DCC: variants seen among roughly 807,000 people sequenced by gnomAD.
DCC encodes the protein netrin receptor DCC.
In DCC, 58 loss-of-function variants were observed where a neutral mutation model predicts 172.5. The ratio of observed to expected loss-of-function variants is 0.34; its 90% CI spans 0.27 to 0.42. The LOEUF (loss-of-function observed/expected upper bound fraction) is 0.42, where lower values mean the gene tolerates loss of function less well. DCC is among the 10% of genes least tolerant of loss of function. DCC has a pLI of 1.00. For synonymous variants in DCC, 709 were observed against 644.5 expected (o/e 1.10, Z -1.52); for missense variants, 1,740 against 1,791.0 (o/e 0.97, Z 0.51).
intron 5 of DCC, among the ~76,000 whole-genome samples, chr18:53,012,385 A>C (rs781601850): frequency 3.9e-5 from 6 of 152,026 alleles, no homozygotes; most frequent in Non-Finnish European, 8.8e-5. Context: ...AATATGAATA[A>C]ATCTTAAAAA....
At chr18:53,309,973 T>C (rs886532169) in intron 13 of DCC, among the ~76,000 whole-genome samples, 4 of 147,938 alleles carry the variant, frequency 2.7e-5, no homozygotes, top group African/African-American at 9.9e-5. Flanking sequence ...TGTATATATA[T>C]ATATATATAC....
At chr18:52,739,830 C>T (rs895959622) in intron 1 of DCC, among the ~76,000 whole-genome samples, 1 of 152,132 alleles carries the variant, frequency 6.6e-6, no homozygotes, top group Non-Finnish European at 1.5e-5. Flanking sequence ...TTTTCATATA[C>T]ATTATAAAAA....
intron 5 of DCC, among the ~76,000 whole-genome samples, chr18:53,030,910 C>G (rs534430580): frequency 2.9e-4 from 44 of 152,232 alleles, no homozygotes; most frequent in African/African-American, 9.6e-4. Context: ...GCAGTGTTGT[C>G]CACATCCACA....
intron 7 of DCC, among the ~76,000 whole-genome samples, chr18:53,097,732 C>T (rs978168032): frequency 6.6e-6 from 1 of 152,098 alleles, no homozygotes; most frequent in African/African-American, 2.4e-5. Flanking sequence ...AATTCATTTA[C>T]TGGTAAGGGC....
intron 6 of DCC, among the ~76,000 whole-genome samples, chr18:53,065,025 A>G (rs2144086133): frequency 6.6e-6 from 1 of 152,284 alleles, no homozygotes; most frequent in Non-Finnish European, 1.5e-5. Flanking sequence ...AATGTAAGGT[A>G]TTGCCCGATT....
intron 2 of DCC, among the ~76,000 whole-genome samples, chr18:52,763,464 G>A (rs1022611733): frequency 2.6e-5 from 4 of 152,178 alleles, no homozygotes; most frequent in Admixed American, 6.5e-5. Flanking sequence ...CACTCCATGA[G>A]CCAACCTTGT....
chr18:52,594,070 G>A (rs530448053), intron 1 of DCC, among the ~76,000 whole-genome samples: 27 of 152,288 alleles, frequency 1.8e-4, no homozygotes, highest in African/African-American at 6.0e-4. Flanking sequence ...ACCCAAAGGG[G>A]CATTCTTTCT....
intron 1 of DCC, among the ~76,000 whole-genome samples, chr18:52,564,494 G>A (rs2033108883): frequency 6.6e-6 from 1 of 151,926 alleles, no homozygotes; most frequent in South Asian, 2.1e-4. Flanking sequence ...TGTCCTCTAG[G>A]TTTTGAAAGA....
At chr18:53,059,034 C>G (rs1295642032) in intron 5 of DCC, among the ~76,000 whole-genome samples, 1 of 152,050 alleles carries the variant, frequency 6.6e-6, no homozygotes, top group Non-Finnish European at 1.5e-5. Context: ...AGGAAACTTA[C>G]AGTCTTGGTG....
At chr18:53,242,471 T>C (rs997632451) in intron 12 of DCC, among the ~76,000 whole-genome samples, 1 of 152,066 alleles carries the variant, frequency 6.6e-6, no homozygotes, top group South Asian at 2.1e-4. Context: ...GAAGAGGGGG[T>C]AAATATACAA....
At chr18:52,879,071 A>G (rs1365575334) in intron 2 of DCC, among the ~76,000 whole-genome samples, 1 of 152,192 alleles carries the variant, frequency 6.6e-6, no homozygotes, top group Non-Finnish European at 1.5e-5. Context: ...CTGCTCTAAT[A>G]CCAGGTGCAG....
At chr18:53,043,507 A>G (rs781752604) in intron 5 of DCC, among the ~76,000 whole-genome samples, 1 of 151,930 alleles carries the variant, frequency 6.6e-6, no homozygotes, top group Admixed American at 6.6e-5. Flanking sequence ...AAATCCTTGG[A>G]GATTACTTCT....
intron 2 of DCC, among the ~76,000 whole-genome samples, chr18:52,783,638 C>A (rs574119277): frequency 6.6e-6 from 1 of 151,834 alleles, no homozygotes; most frequent in African/African-American, 2.4e-5. Flanking sequence ...CATGTCTAAT[C>A]CCTCTAAATA....
intron 1 of DCC, among the ~76,000 whole-genome samples, chr18:52,544,510 A>T (rs1015420158): frequency 1.3e-5 from 2 of 148,750 alleles, no homozygotes; most frequent in Non-Finnish European, 1.5e-5. Context: ...TCCTGCTGTG[A>T]TCAATGCTGA....
chr18:53,065,981 G>A, intron 6 of DCC, 65 bp from the exon 7 acceptor site: 1 of 1,601,028 alleles, frequency 6.2e-7, no homozygotes, highest in Non-Finnish European at 8.5e-7. Context: ...TCTCATCTAA[G>A]TTCATTTTGT....
At chr18:53,222,753 T>C (rs1485114582) in intron 12 of DCC, among the ~76,000 whole-genome samples, 2 of 152,188 alleles carry the variant, frequency 1.3e-5, no homozygotes, top group East Asian at 3.9e-4. Context: ...TGAGGTTTCC[T>C]ATTGGAGATA....
intron 7 of DCC, among the ~76,000 whole-genome samples, chr18:53,082,119 G>A (rs1175317509): frequency 6.6e-6 from 1 of 152,094 alleles, no homozygotes; most frequent in Non-Finnish European, 1.5e-5. Context: ...AAGCTTCAAT[G>A]GGGGCTTTCA....
At chr18:52,835,197 G>T (rs894070388) in intron 2 of DCC, among the ~76,000 whole-genome samples, 1 of 152,112 alleles carries the variant, frequency 6.6e-6, no homozygotes, top group Non-Finnish European at 1.5e-5. Context: ...TATGGCCATG[G>T]ATAAACTGGT....
chr18:53,033,287 G>A (rs908321809), intron 5 of DCC, among the ~76,000 whole-genome samples: 5 of 152,004 alleles, frequency 3.3e-5, no homozygotes, highest in African/African-American at 7.2e-5. Context: ...AGACCTTGCT[G>A]GCTGGTCTCC....
Sources: allele counts gnomAD v4.1 joint callset (sites outside exome capture counted in the v4.1 genomes callset), GRCh38; gene constraint gnomAD v4.1.1; transcripts MANE v1.5; gene names NCBI Gene and HGNC (gene_info 2026-07-23, HGNC 2026-07-21).